KMT2E: variants seen among roughly 807,000 people sequenced by gnomAD.
KMT2E encodes the protein histone reader KMT2E.
A neutral mutation model predicts 184.6 loss-of-function variants in KMT2E; 30 were observed. The observed-to-expected ratio is 0.16, with a 90% CI of 0.12 to 0.22. KMT2E has a LOEUF of 0.22. Among genes scored for constraint, KMT2E ranks in the 10% least tolerant of loss-of-function variants. The probability of loss-of-function intolerance (pLI) is 1.00; values close to 1 mark genes in which losing one functional copy is unlikely to be tolerated. For synonymous variants in KMT2E, 815 were observed against 776.5 expected (o/e 1.05, Z -0.82); for missense variants, 2,023 against 2,237.4 (o/e 0.90, Z 1.93).
chr7:105,109,976 G>A (rs757438599), intron 23 of KMT2E, among the ~76,000 whole-genome samples: 3 of 151,164 alleles, frequency 2.0e-5, no homozygotes, highest in Admixed American at 6.6e-5. Flanking sequence ...CCCGAGTAGC[G>A]CCCGCCACCA....
At chr7:105,084,430 A>G (rs1488670681) in intron 13 of KMT2E, among the ~76,000 whole-genome samples, 2 of 152,156 alleles carry the variant, frequency 1.3e-5, no homozygotes, top group African/African-American at 2.4e-5. Flanking sequence ...GTTCAAGACC[A>G]GCCTGGCAAA....
Position 105,107,338 on chromosome 7 carries a change from T to A in KMT2E, c.2905-24T>A, listed in dbSNP as rs779030674. 2.8e-6 allele frequency: 3 copies of A among 1,081,364 alleles called. No individual in the cohort carries two copies. The South Asian group carries it at 5.9e-5, about 21-fold the overall frequency. The allele number at this position is 1,081,364 out of a possible 1,614,324, so 67.0% of individuals were successfully genotyped here. A position where few individuals can be genotyped will look rare whatever the true frequency, so the allele number is the denominator to read the frequency against. ...TCCCAAGATGTGATTATTTGTGTAA[T>A]TTTTTTTTTTAATTTGTAAACAGGG... On this transcript the variant is annotated intron_variant, in intron 21 of 26. Transcript: ENST00000311117.
At chr7:105,037,986 G>A (rs1397637872) in intron 1 of KMT2E, 140 bp from the exon 2 acceptor site, 3 of 152,130 alleles carry the variant, frequency 2.0e-5, no homozygotes, top group South Asian at 4.1e-4. Flanking sequence ...GTGTAAAAAG[G>A]GAAGAGTAAA....
intron 1 of KMT2E, among the ~76,000 whole-genome samples, chr7:105,026,129 C>A (rs1022777504): frequency 1.3e-5 from 2 of 152,226 alleles, no homozygotes; most frequent in East Asian, 1.9e-4. Flanking sequence ...TCCATGTTAA[C>A]TTTGATGAAC....
Position 105,107,926 on chromosome 7 carries a change from G to T in KMT2E, c.3468+1G>T. On this transcript the variant is annotated splice_donor_variant, in intron 22 of 26. Transcript: ENST00000311117. LOFTEE classifies it high-confidence loss of function. ...CCAGAATCCACCACAAAAGAAAAAG[G>T]TTACAAATTTAACAATTTATAGTCC... The T allele has an allele frequency of 1.3e-6, 2 of 1,567,288 alleles. No individual in the cohort carries two copies. The highest frequency in any genetic ancestry group is 2.3e-5 in the East Asian group (1 of 44,138).
At chr7:105,108,745 A>T in intron 22 of KMT2E, 197 bp from the exon 23 acceptor site, 1 of 560,344 alleles carries the variant, frequency 1.8e-6, no homozygotes, top group Non-Finnish European at 3.2e-6. Context: ...TAAATGAGAT[A>T]ATGTATGTAA....
chr7:105,091,716 C>CAAA, intron 15 of KMT2E: 5 of 143,014 alleles, frequency 3.5e-5, no homozygotes, highest in South Asian at 2.3e-4. Context: ...ATTGCTTATG[C>CAAA]AAAAAAAAAA....
intron 6 of KMT2E, among the ~76,000 whole-genome samples, chr7:105,069,804 C>A (rs1797205235): frequency 6.6e-6 from 1 of 152,110 alleles, no homozygotes; most frequent in Admixed American, 6.5e-5. Flanking sequence ...GTCATGCTAC[C>A]CTTTATAGTC....
chr7:105,047,663 A>G (rs1796163366), intron 3 of KMT2E, among the ~76,000 whole-genome samples: 2 of 152,250 alleles, frequency 1.3e-5, no homozygotes, highest in African/African-American at 4.8e-5. Context: ...ACAAAGTTTC[A>G]GAAGGGTTAA....
rs1289383924 is a variant in KMT2E at position 105,041,488 on chromosome 7, GC to G, written c.71+467del. 2.0e-5 allele frequency among the ~76,000 whole-genome samples: 3 copies of G among 152,068 alleles called. No individual in the cohort carries two copies. The East Asian group carries it at 5.8e-4, about 29-fold the overall frequency. ...TCTATCTCAGCTCATTGCAACCTCT[GC>G]CTCCCGGGTTCAAGCAATTCTCCTG... is the stretch of plus-strand genomic sequence containing the variant. On this transcript the variant is annotated intron_variant, in intron 3 of 26. Transcript: ENST00000311117.
intron 1 of KMT2E, among the ~76,000 whole-genome samples, chr7:105,030,976 A>T (rs1240141980): frequency 6.6e-6 from 1 of 152,180 alleles, no homozygotes; most frequent in Non-Finnish European, 1.5e-5. Flanking sequence ...TTCTAGTATG[A>T]AAGAAATGGA....
chr7:105,069,494 T>G (rs1047463974), intron 6 of KMT2E, among the ~76,000 whole-genome samples: 1 of 152,204 alleles, frequency 6.6e-6, no homozygotes, highest in Non-Finnish European at 1.5e-5. Flanking sequence ...TAGGGCATAG[T>G]GTACGAGGGT....
Position 105,061,796 on chromosome 7 carries a change from C to T in KMT2E, c.72-368C>T, listed in dbSNP as rs139065100. 471 of 163,910 alleles carry T rather than the reference C, an allele frequency of 2.9e-3. 2 individuals are homozygous for T. Among genetic ancestry groups the T allele is most frequent in the South Asian group, 0.02 (106 of 5,424 alleles). 10.2% of individuals were successfully genotyped at this position (163,910 alleles called of 1,614,324 possible). The stretch of plus-strand genomic sequence containing the variant: ...GCATACTTCAGTTCCATTTGAGGTC[C>T]ATATAGATTCTGTGTGTTTTAGTCT... On this transcript the variant is annotated intron_variant, in intron 3 of 26. Transcript: ENST00000311117.
At position 105,107,944 on chromosome 7, in the gene KMT2E, T is replaced by C. The variant is rs150402862; in HGVS notation, c.3468+19T>C. Reference sequence around the variant, plus strand: ...GAAAAAGGTTACAAATTTAACAATTTATAGTCCTTTTAATAGTTTTTTTTT... The same window carrying C: ...GAAAAAGGTTACAAATTTAACAATTCATAGTCCTTTTAATAGTTTTTTTTT... On this transcript the variant is annotated intron_variant, in intron 22 of 26. Coordinates refer to ENST00000311117, the MANE Select transcript of KMT2E (RefSeq NM_182931.3). The C allele has an allele frequency of 0.028, 42,626 of 1,533,438 alleles. 855 individuals are homozygous for C. The highest frequency in any genetic ancestry group is 0.029 in the Non-Finnish European group (33,376 of 1,142,612). The allele number at this position is 1,533,438 out of a possible 1,614,324, so 95.0% of individuals were successfully genotyped here. A position where few individuals can be genotyped will look rare whatever the true frequency, so the allele number is the denominator to read the frequency against.
intron 1 of KMT2E, among the ~76,000 whole-genome samples, chr7:105,016,594 A>G (rs1280496202): frequency 1.3e-5 from 2 of 152,226 alleles, no homozygotes; most frequent in African/African-American, 4.8e-5. Flanking sequence ...AATTTTTTAA[A>G]GTGTGAAAGA....
rs1398961279 is a variant in KMT2E at position 105,107,820 on chromosome 7, G to A, written c.3363G>A (p.Val1121=). 1 of 1,614,118 alleles carries A rather than the reference G, an allele frequency of 6.2e-7. No homozygotes were observed. The highest frequency in any genetic ancestry group is 8.5e-7 in the Non-Finnish European group (1 of 1,180,006). ...DTRGMFMETT[V]FCTSEDGLVS... is the part of the protein sequence containing the mutation. The stretch of plus-strand genomic sequence containing the variant: ...GAGGCATGTTTATGGAAACAACTGT[G>A]TTTTGTACTTCCGAAGATGGGCTTG... The change falls in exon 22 of 27, where the codon GTG becomes GTA. Residue 1121 remains valine, a synonymous_variant. Transcript: ENST00000311117.
intron 7 of KMT2E, 139 bp from the exon 8 acceptor site, chr7:105,074,504 G>A (rs944639351): frequency 3.7e-6 from 2 of 533,896 alleles, no homozygotes; most frequent in Non-Finnish European, 6.3e-6. Flanking sequence ...AAATGTGTAA[G>A]TGAGGTGAGT....
At chr7:105,076,764 G>T (rs1451231999) in intron 9 of KMT2E, among the ~76,000 whole-genome samples, 199 bp from the exon 10 acceptor site, 1 of 152,094 alleles carries the variant, frequency 6.6e-6, no homozygotes, top group Non-Finnish European at 1.5e-5. Flanking sequence ...ATGTTACAGT[G>T]TATCTTTTGT....
At chr7:105,019,499 T>C (rs1331320399) in intron 1 of KMT2E, among the ~76,000 whole-genome samples, 1 of 152,352 alleles carries the variant, frequency 6.6e-6, no homozygotes, top group East Asian at 1.9e-4. Context: ...TCTTTTTTGA[T>C]GTGTTGCATT....
Sources: allele counts gnomAD v4.1 joint callset (sites outside exome capture counted in the v4.1 genomes callset), GRCh38; gene constraint gnomAD v4.1.1; transcripts MANE v1.5; gene names NCBI Gene and HGNC (gene_info 2026-07-23, HGNC 2026-07-21).